Variants in PEX14 observed in about 807,000 individuals in gnomAD.
PEX14 encodes the protein peroxisomal membrane protein PEX14.
PEX14 carries 15 observed loss-of-function variants against 49.5 expected under a neutral mutation model. The ratio of observed to expected loss-of-function variants is 0.30; its 90% CI spans 0.20 to 0.47. The LOEUF (loss-of-function observed/expected upper bound fraction) is 0.47, where lower values mean the gene tolerates loss of function less well. Ranked by LOEUF, PEX14 falls within the 20% of genes least tolerant of loss-of-function variation. The pLI, the probability that PEX14 is intolerant of heterozygous loss-of-function variation, is 1.00. For synonymous variants in PEX14, 210 were observed against 212.7 expected (o/e 0.99, Z 0.11); for missense variants, 398 against 494.8 (o/e 0.80, Z 1.86).
chr1:10,504,644 G>T (rs1212461695), intron 2 of PEX14, among the ~76,000 whole-genome samples: 2 of 152,218 alleles, frequency 1.3e-5, no homozygotes, highest in Non-Finnish European at 2.9e-5. Context: ...TAGGACCAGG[G>T]CCACTTTTTG....
intron 3 of PEX14, among the ~76,000 whole-genome samples, chr1:10,566,750 C>T (rs1054536271): frequency 6.6e-6 from 1 of 152,108 alleles, no homozygotes; most frequent in South Asian, 2.1e-4. Flanking sequence ...CTCCCGACCT[C>T]AGGTGATCCG....
intron 3 of PEX14, among the ~76,000 whole-genome samples, chr1:10,592,602 C>T (rs1640701177): frequency 6.6e-6 from 1 of 152,132 alleles, no homozygotes; most frequent in Non-Finnish European, 1.5e-5. Flanking sequence ...AAAGTTTCCT[C>T]CTTATGTGGA....
intron 3 of PEX14, among the ~76,000 whole-genome samples, chr1:10,586,483 G>A (rs1429333991): frequency 6.6e-6 from 1 of 152,046 alleles, no homozygotes; most frequent in Non-Finnish European, 1.5e-5. Flanking sequence ...AATGTTGATA[G>A]CAGCATTATT....
chr1:10,513,855 G>A (rs1192744229), intron 2 of PEX14, among the ~76,000 whole-genome samples: 1 of 152,186 alleles, frequency 6.6e-6, no homozygotes, highest in Non-Finnish European at 1.5e-5. Flanking sequence ...CATATTGACT[G>A]TTACAGAAAA....
At chr1:10,559,225 T>C (rs919739283) in intron 3 of PEX14, among the ~76,000 whole-genome samples, 3 of 152,146 alleles carry the variant, frequency 2.0e-5, no homozygotes, top group Non-Finnish European at 4.4e-5. Flanking sequence ...AATCACCCCC[T>C]TTTCTTTAAA....
At chr1:10,492,500 A>G (rs61444537) in intron 1 of PEX14, among the ~76,000 whole-genome samples, 10,936 of 152,306 alleles carry the variant, frequency 0.072, 1,317 homozygotes, top group African/African-American at 0.25. Flanking sequence ...TTACTATCTG[A>G]GTAATCATGG....
chr1:10,555,480 A>G (rs1639459232), intron 3 of PEX14, among the ~76,000 whole-genome samples: 1 of 152,202 alleles, frequency 6.6e-6, no homozygotes, highest in South Asian at 2.1e-4. Flanking sequence ...AGCACCTCTC[A>G]TTACAGTAAT....
intron 3 of PEX14, among the ~76,000 whole-genome samples, chr1:10,556,371 C>T (rs1464594618): frequency 6.6e-6 from 1 of 152,168 alleles, no homozygotes; most frequent in East Asian, 1.9e-4. Flanking sequence ...CCCTGTACCC[C>T]TCATTAGGGA....
At chr1:10,488,919 G>A (rs1274746591) in intron 1 of PEX14, among the ~76,000 whole-genome samples, 6 of 152,066 alleles carry the variant, frequency 3.9e-5, no homozygotes, top group Non-Finnish European at 7.4e-5. Flanking sequence ...TATATCGTCT[G>A]GTTTTTCTTA....
chr1:10,616,665 C>T (rs1052450939), intron 4 of PEX14, among the ~76,000 whole-genome samples: 7 of 152,170 alleles, frequency 4.6e-5, no homozygotes, highest in Non-Finnish European at 8.8e-5. Flanking sequence ...GAAAGGTGTT[C>T]GCAGTGGAGA....
chr1:10,485,299 G>GT (rs941970919), intron 1 of PEX14, among the ~76,000 whole-genome samples: 5,601 of 100,610 alleles, frequency 0.056, 215 homozygotes, highest in African/African-American at 0.082. Flanking sequence ...TTTGTGTGTG[G>GT]TTTTTTTTTT....
At chr1:10,588,235 T>C (rs765411090) in intron 3 of PEX14, among the ~76,000 whole-genome samples, 3 of 151,692 alleles carry the variant, frequency 2.0e-5, no homozygotes, top group African/African-American at 7.3e-5. Flanking sequence ...AAAAAAGACA[T>C]GGAGTCTCAC....
intron 1 of PEX14, among the ~76,000 whole-genome samples, 199 bp downstream of exon 1, chr1:10,475,201 C>T (rs1409248975): frequency 7.0e-6 from 1 of 142,694 alleles, no homozygotes; most frequent in Admixed American, 7.0e-5. Flanking sequence ...TGACCACATT[C>T]CGGAGCCCGG....
rs150703496 is a variant in PEX14 at position 10,615,519 on chromosome 1, G to A, written c.299-2813G>A. On this transcript the variant is annotated intron_variant, in intron 4 of 8. Coordinates refer to ENST00000356607, the MANE Select transcript of PEX14 (RefSeq NM_004565.3). ...CGTTTGAATCGTGCATTGTGTGGGC[G>A]CAGCCGTGGGGAAGCAGGCATTGCG... 1.4e-3 allele frequency among the ~76,000 whole-genome samples: 220 copies of A among 152,362 alleles called. 1 individual carries two copies. Among genetic ancestry groups the A allele is most frequent in the African/African-American group, 3.2e-3 (134 of 41,594 alleles).
rs555158407 is a variant in PEX14 at position 10,625,646 on chromosome 1, T to G, written c.585+1209T>G. 2.6e-4 allele frequency among the ~76,000 whole-genome samples: 39 copies of G among 152,274 alleles called. 1 individual carries two copies. The highest frequency in any genetic ancestry group is 6.8e-3 in the Middle Eastern group (2 of 294). On this transcript the variant is annotated intron_variant, in intron 7 of 8. Transcript: ENST00000356607. Reference sequence around the variant, plus strand: ...CACTGCAATGCGTGTTCTCCACGGGTGGCCGGTCCCTAAAGCACCAGGAAG... The same window carrying G: ...CACTGCAATGCGTGTTCTCCACGGGGGGCCGGTCCCTAAAGCACCAGGAAG...
chr1:10,486,145 C>A (rs890658008), intron 1 of PEX14, among the ~76,000 whole-genome samples: 3 of 152,032 alleles, frequency 2.0e-5, no homozygotes, highest in Admixed American at 1.3e-4. Flanking sequence ...TCTTACCTTC[C>A]CATTAATATG....
chr1:10,559,674 A>G (rs1639592850), intron 3 of PEX14, among the ~76,000 whole-genome samples: 1 of 152,218 alleles, frequency 6.6e-6, no homozygotes, highest in Admixed American at 6.5e-5. Context: ...TTTGGCCGAA[A>G]GAGTAAATGA....
intron 3 of PEX14, among the ~76,000 whole-genome samples, chr1:10,590,413 GCTTTT>G (rs1374886819): frequency 4.6e-5 from 7 of 152,072 alleles, no homozygotes; most frequent in East Asian, 1.9e-4. Context: ...TTTTTTGTGT[GCTTTT>G]CTTTATTTTC....
chr1:10,508,428 C>T (rs1641825678), intron 2 of PEX14, among the ~76,000 whole-genome samples: 1 of 152,100 alleles, frequency 6.6e-6, no homozygotes, highest in Non-Finnish European at 1.5e-5. Context: ...AGGATGGTCT[C>T]GATCTCCTGA....
Sources: gnomAD v4.1 joint callset for allele counts (sites outside exome capture counted in the v4.1 genomes callset) on GRCh38, gnomAD v4.1.1 for gene constraint, MANE v1.5 for transcripts, NCBI Gene and HGNC (gene_info 2026-07-23, HGNC 2026-07-21) for gene names.